GRM7: variants seen among roughly 807,000 people sequenced by gnomAD.
The protein encoded by GRM7 is metabotropic glutamate receptor 7.
In GRM7, 35 loss-of-function variants were observed where a neutral mutation model predicts 84.5. That is an observed-to-expected ratio of 0.41 (90% CI 0.32 to 0.55). The LOEUF is 0.55. GRM7 is among the 20% of genes least tolerant of loss of function. The probability of loss-of-function intolerance (pLI) is 0.19; values close to 1 mark genes in which losing one functional copy is unlikely to be tolerated. For synonymous variants in GRM7, 487 were observed against 455.1 expected (o/e 1.07, Z -0.89); for missense variants, 1,003 against 1,194.6 (o/e 0.84, Z 2.36).
chr3:6,948,544 G>A (rs1349230244), intron 1 of GRM7, among the ~76,000 whole-genome samples: 1 of 152,158 alleles, frequency 6.6e-6, no homozygotes, highest in Non-Finnish European at 1.5e-5. Flanking sequence ...GATTTGGGGT[G>A]GAGAGTTCTG....
intron 1 of GRM7, among the ~76,000 whole-genome samples, chr3:6,910,052 C>T (rs1482828070): frequency 2.0e-5 from 3 of 151,920 alleles, no homozygotes; most frequent in African/African-American, 4.8e-5. Context: ...ATGTCAGCTT[C>T]CTCATTGGGG....
intron 1 of GRM7, among the ~76,000 whole-genome samples, chr3:6,998,164 A>AATGAGGGTAC (rs1300623851): frequency 7.1e-6 from 1 of 140,650 alleles, no homozygotes; most frequent in Non-Finnish European, 1.5e-5. Context: ...TCCTAGATAC[A>AATGAGGGTAC]ATGAGGGTAC....
At position 7,151,861 on chromosome 3, in the gene GRM7, A is replaced by T. The variant is rs1309276545; in HGVS notation, c.736+5193A>T. Among the ~76,000 whole-genome samples the T allele has an allele frequency of 6.6e-6, 1 of 151,920 alleles. No homozygotes were observed. Among genetic ancestry groups the T allele is most frequent in the Non-Finnish European group, 1.5e-5 (1 of 67,998 alleles). Reference sequence around the variant, plus strand: ...ACCATTCCTATATAAAACTGATAGCAGTATGGTGCAACCAGGCTGTAATTC... The same window carrying T: ...ACCATTCCTATATAAAACTGATAGCTGTATGGTGCAACCAGGCTGTAATTC... On this transcript the variant is annotated intron_variant, in intron 2 of 9. Coordinates refer to ENST00000357716, the MANE Select transcript of GRM7 (RefSeq NM_000844.4). This position sits in a 1 kb window ranked among gnomAD's most constrained non-coding sequence, Gnocchi z 4.5.
At chr3:7,417,673 C>T (rs1696224354) in intron 5 of GRM7, among the ~76,000 whole-genome samples, 1 of 152,108 alleles carries the variant, frequency 6.6e-6, no homozygotes, top group Non-Finnish European at 1.5e-5. Flanking sequence ...GCCCCCTTCA[C>T]AGAGCTCTCT....
At chr3:7,718,693 A>C (rs527985197) in intron 9 of GRM7, among the ~76,000 whole-genome samples, 1 of 152,234 alleles carries the variant, frequency 6.6e-6, no homozygotes, top group South Asian at 2.1e-4. Context: ...TTATCCAAAG[A>C]CCATCTGCCA....
At chr3:7,626,173 A>T (rs1017790680) in intron 8 of GRM7, among the ~76,000 whole-genome samples, 3 of 152,104 alleles carry the variant, frequency 2.0e-5, no homozygotes, top group African/African-American at 7.2e-5. Flanking sequence ...TCTGAGGGTC[A>T]TCCAGCCTGA....
At chr3:7,610,461 G>A (rs953857210) in intron 8 of GRM7, among the ~76,000 whole-genome samples, 1 of 152,160 alleles carries the variant, frequency 6.6e-6, no homozygotes, top group Non-Finnish European at 1.5e-5. Flanking sequence ...TTTAATTGCT[G>A]TGGTGTCATA....
chr3:6,975,503 G>A (rs770216588), intron 1 of GRM7, among the ~76,000 whole-genome samples: 30 of 152,188 alleles, frequency 2.0e-4, no homozygotes, highest in Middle Eastern at 3.4e-3. Flanking sequence ...CAAAATCAGG[G>A]CATGCACATT....
chr3:7,729,798 T>C (rs561206218), intron 9 of GRM7, among the ~76,000 whole-genome samples: 62 of 150,298 alleles, frequency 4.1e-4, no homozygotes, highest in Non-Finnish European at 5.8e-4. Context: ...CTCCGCCTCC[T>C]GGGTTCAAGG....
intron 9 of GRM7, among the ~76,000 whole-genome samples, chr3:7,683,822 T>C (rs1309641827): frequency 1.3e-5 from 2 of 152,268 alleles, no homozygotes; most frequent in African/African-American, 2.4e-5. Context: ...GCTACTGTAT[T>C]GGACAGTGTA....
chr3:7,553,619 A>C (rs1328400150), intron 7 of GRM7, among the ~76,000 whole-genome samples: 1 of 152,170 alleles, frequency 6.6e-6, no homozygotes, highest in Non-Finnish European at 1.5e-5. Flanking sequence ...AGCACAAGGC[A>C]TCTTCTTCAT....
chr3:7,365,733 C>A (rs1693862676), intron 4 of GRM7, among the ~76,000 whole-genome samples: 1 of 149,164 alleles, frequency 6.7e-6, no homozygotes, highest in South Asian at 2.1e-4. Context: ...TACTTTATCT[C>A]TTTAATCATT....
At chr3:7,551,347 G>C (rs1178285868) in intron 7 of GRM7, among the ~76,000 whole-genome samples, 1 of 152,144 alleles carries the variant, frequency 6.6e-6, no homozygotes, top group East Asian at 1.9e-4. Context: ...TGTACAGCAT[G>C]CATCTGGACC....
intron 7 of GRM7, among the ~76,000 whole-genome samples, chr3:7,544,558 G>A (rs1439044712): frequency 6.6e-6 from 1 of 152,136 alleles, no homozygotes; most frequent in African/African-American, 2.4e-5. Context: ...TGTCCCATCT[G>A]TAAATCAAAG....
chr3:6,956,585 T>A, intron 1 of GRM7: 1 of 456,754 alleles, frequency 2.2e-6, no homozygotes. Flanking sequence ...CCTTCTATCC[T>A]GTCTCAGTTT....
intron 9 of GRM7, among the ~76,000 whole-genome samples, chr3:7,733,914 CT>C (rs2106528854): frequency 6.6e-6 from 1 of 152,282 alleles, no homozygotes; most frequent in Non-Finnish European, 1.5e-5. Context: ...ACTGAAAAGC[CT>C]TCCCAGGCTT....
In GRM7 at chr3:7,376,356, G is replaced by A. The variant is rs148480969; in HGVS notation, c.1034-38667G>A. ...TTATAGATGCTATAATCCTCACACCGAGCTGTTCTCCTCGTGAATGCTATG... is the reference window on the plus strand; with the variant it reads ...TTATAGATGCTATAATCCTCACACCAAGCTGTTCTCCTCGTGAATGCTATG... On this transcript the variant is annotated intron_variant, in intron 4 of 9. Coordinates refer to ENST00000357716, the MANE Select transcript of GRM7 (RefSeq NM_000844.4). 1.8e-4 allele frequency among the ~76,000 whole-genome samples: 28 copies of A among 152,148 alleles called. No individual in the cohort carries two copies. The East Asian group carries it at 3.5e-3, about 19-fold the overall frequency.
At chr3:7,441,733 G>A (rs944354861) in intron 5 of GRM7, among the ~76,000 whole-genome samples, 2 of 151,990 alleles carry the variant, frequency 1.3e-5, no homozygotes, top group Non-Finnish European at 2.9e-5. Flanking sequence ...TTTATTGAGT[G>A]AATCCTTTTC....
chr3:7,436,315 A>G (rs938478573), intron 5 of GRM7, among the ~76,000 whole-genome samples: 2 of 152,094 alleles, frequency 1.3e-5, no homozygotes, highest in Non-Finnish European at 2.9e-5. Context: ...GGCTTAGATT[A>G]GGGTTCAGCA....
Sources: allele counts gnomAD v4.1 joint callset (sites outside exome capture counted in the v4.1 genomes callset), GRCh38; gene constraint gnomAD v4.1.1; non-coding constraint Gnocchi (gnomAD v3.1); transcripts MANE v1.5; gene names NCBI Gene and HGNC (gene_info 2026-07-23, HGNC 2026-07-21).